The following CDK17 variants were observed in gnomAD, a reference collection of about 807,000 sequenced individuals.
CDK17 encodes cyclin-dependent kinase 17.
CDK17 carries 24 observed loss-of-function variants against 77.6 expected under a neutral mutation model. The ratio of observed to expected loss-of-function variants is 0.31; its 90% CI spans 0.22 to 0.44. The LOEUF (loss-of-function observed/expected upper bound fraction) is 0.44, where lower values mean the gene tolerates loss of function less well. CDK17 is among the 20% of genes least tolerant of loss of function. The pLI is 1.00. For synonymous variants in CDK17, 203 were observed against 210.4 expected, an observed-to-expected ratio of 0.96 and a Z score of 0.30; for missense variants, 429 against 622.5, an observed-to-expected ratio of 0.69 and a Z score of 3.31.
chr12:96,286,615 C>A (rs1345962811), intron 12 of CDK17, 49 bp downstream of exon 12: 1 of 1,255,158 alleles, frequency 8.0e-7, no homozygotes, highest in African/African-American at 1.5e-5. Flanking sequence ...TCTTATCCAG[C>A]TAGTCAATTA....
chr12:96,295,071 C>G lies in CDK17; in HGVS notation c.925G>C (p.Val309Leu). 1 of 1,611,744 alleles carries G rather than the reference C, an allele frequency of 6.2e-7. No individual in the cohort carries two copies. The change falls in exon 10 of 17, where the codon GTA (valine) becomes CTA (leucine). Residue 309 changes from valine (V) to leucine (L), a missense_variant. Val to Leu is a conservative substitution (Grantham distance 32). Around this residue, in one of 4 missense-constraint regions of CDK17, gnomAD observed 262 missense variants for 385.4 expected, o/e 0.68. Coordinates refer to ENST00000261211, the MANE Select transcript of CDK17 (RefSeq NM_002595.5). Reference protein sequence around the residue: ...RGLAYCHRRKVLHRDLKPQNL... With the variant: ...RGLAYCHRRKLLHRDLKPQNL... ...TGTGGTTTCAAGTCTCGATGCAATA[C>G]CTTTCTTCTATGGCAATATGCCAAA...
chr12:96,294,634 T>C (rs1483863167), intron 10 of CDK17, among the ~76,000 whole-genome samples: 1 of 150,624 alleles, frequency 6.6e-6, no homozygotes, highest in Non-Finnish European at 1.5e-5. Context: ...TGCCACTACT[T>C]TGATGTATAG....
intron 1 of CDK17, among the ~76,000 whole-genome samples, chr12:96,360,441 T>C (rs527775834): frequency 1.3e-5 from 2 of 152,292 alleles, no homozygotes; most frequent in South Asian, 4.1e-4. Context: ...AAGCCTCAGG[T>C]AGGTGACTTC....
chr12:96,337,994 A>G (rs1953069663), intron 1 of CDK17, among the ~76,000 whole-genome samples: 2 of 152,212 alleles, frequency 1.3e-5, no homozygotes, highest in African/African-American at 4.8e-5. Flanking sequence ...CATATCAGGT[A>G]ATCTATATAA....
At chr12:96,344,187 G>A (rs533112857) in intron 1 of CDK17, among the ~76,000 whole-genome samples, 3 of 152,234 alleles carry the variant, frequency 2.0e-5, no homozygotes, top group Admixed American at 2.0e-4. Context: ...AAAATGAATA[G>A]AGCCTGATGA....
chr12:96,373,693 G>A (rs372573927), intron 1 of CDK17, among the ~76,000 whole-genome samples: 10 of 152,046 alleles, frequency 6.6e-5, no homozygotes, highest in African/African-American at 9.7e-5. Context: ...AGGCCAAGGC[G>A]GACAGATCAC....
At chr12:96,394,835 A>G (rs1428658156) in intron 1 of CDK17, among the ~76,000 whole-genome samples, 1 of 150,298 alleles carries the variant, frequency 6.7e-6, no homozygotes, top group Non-Finnish European at 1.5e-5. Flanking sequence ...TAGACAAAAA[A>G]TATTTATTAT....
chr12:96,298,403 T>C (rs1241986315), intron 7 of CDK17, among the ~76,000 whole-genome samples: 2 of 152,210 alleles, frequency 1.3e-5, no homozygotes, highest in African/African-American at 2.4e-5. Context: ...CTTCTGTATT[T>C]TTCCTAAATG....
intron 1 of CDK17, among the ~76,000 whole-genome samples, chr12:96,359,681 T>A (rs2137186492): frequency 6.6e-6 from 1 of 152,308 alleles, no homozygotes; most frequent in South Asian, 2.1e-4. Flanking sequence ...AGACAAACAC[T>A]ATATTAATTA....
At chr12:96,340,261 T>C (rs1419801585) in intron 1 of CDK17, among the ~76,000 whole-genome samples, 1 of 152,154 alleles carries the variant, frequency 6.6e-6, no homozygotes, top group Non-Finnish European at 1.5e-5. Flanking sequence ...ATGGCACTTA[T>C]TTCATCATCA....
chr12:96,385,474 G>A (rs529611739), intron 1 of CDK17, among the ~76,000 whole-genome samples: 1 of 152,224 alleles, frequency 6.6e-6, no homozygotes, highest in African/African-American at 2.4e-5. Flanking sequence ...ATATACCCAT[G>A]TAACGAACCT....
intron 1 of CDK17, among the ~76,000 whole-genome samples, chr12:96,337,447 A>G (rs1489233868): frequency 6.6e-6 from 1 of 151,942 alleles, no homozygotes; most frequent in East Asian, 1.9e-4. Flanking sequence ...CTTCAAAATG[A>G]TTTTTTCCCC....
At chr12:96,341,344 C>CACATGT (rs149595808) in intron 1 of CDK17, among the ~76,000 whole-genome samples, 4 of 149,912 alleles carry the variant, frequency 2.7e-5, no homozygotes, top group Admixed American at 6.6e-5. Context: ...CACACACACA[C>CACATGT]GTCTCATATA....
chr12:96,329,092 A>G (rs1249130946), intron 2 of CDK17, among the ~76,000 whole-genome samples: 1 of 152,204 alleles, frequency 6.6e-6, no homozygotes, highest in Non-Finnish European at 1.5e-5. Context: ...TACCTAGAAT[A>G]GGCAAATTCA....
intron 2 of CDK17, among the ~76,000 whole-genome samples, chr12:96,330,814 A>G (rs1170286682): frequency 6.6e-6 from 1 of 152,188 alleles, no homozygotes; most frequent in African/African-American, 2.4e-5. Context: ...AAATATAAAT[A>G]TTTGTGTACA....
At chr12:96,319,931 TG>T (rs1156685816) in intron 3 of CDK17, among the ~76,000 whole-genome samples, 1 of 148,332 alleles carries the variant, frequency 6.7e-6, no homozygotes, top group Non-Finnish European at 1.5e-5. Context: ...TTCAACATAG[TG>T]TTGGAAGTTC....
chr12:96,378,558 G>A (rs1300801121), intron 1 of CDK17, among the ~76,000 whole-genome samples: 1 of 152,222 alleles, frequency 6.6e-6, no homozygotes. Context: ...CACCAGGTGT[G>A]CTCACTGCTA....
intron 1 of CDK17, among the ~76,000 whole-genome samples, chr12:96,342,554 G>T (rs1002658654): frequency 6.6e-6 from 1 of 151,502 alleles, no homozygotes; most frequent in Non-Finnish European, 1.5e-5. Context: ...AGAGCAAGAT[G>T]CCATGTCAAA....
intron 10 of CDK17, among the ~76,000 whole-genome samples, chr12:96,292,435 A>C (rs1428220718): frequency 6.6e-6 from 1 of 151,994 alleles, no homozygotes; most frequent in Non-Finnish European, 1.5e-5. Context: ...GTGAAACCCC[A>C]TCTCTACTAA....
Sources: gnomAD v4.1 joint callset for allele counts (sites outside exome capture counted in the v4.1 genomes callset) on GRCh38, gnomAD v4.1.1 for gene constraint, gnomAD v4.1.1 regional missense constraint, MANE v1.5 for transcripts, NCBI Gene and HGNC (gene_info 2026-07-23, HGNC 2026-07-21) for gene names.